The following KAZN variants were observed in gnomAD, a reference collection of about 807,000 sequenced individuals.
KAZN encodes the protein kazrin, periplakin interacting protein.
KAZN carries 40 observed loss-of-function variants against 87.4 expected under a neutral mutation model. The observed-to-expected ratio is 0.46, with a 90% CI of 0.36 to 0.60. The LOEUF is 0.60. Among genes scored for constraint, KAZN ranks in the 20% least tolerant of loss-of-function variants. KAZN has a pLI of 0.00. For synonymous variants in KAZN, 466 were observed against 458.3 expected (o/e 1.02, Z -0.22); for missense variants, 898 against 1,073.9 (o/e 0.84, Z 2.29).
chr1:13,988,654 A>T (rs920411542), intron 1 of KAZN, among the ~76,000 whole-genome samples: 4 of 152,216 alleles, frequency 2.6e-5, no homozygotes, highest in African/African-American at 9.6e-5. Flanking sequence ...AGACTGGGAA[A>T]TACAGTCCAG....
At chr1:14,804,504 G>A (rs1646142081) in intron 1 of KAZN, among the ~76,000 whole-genome samples, 2 of 152,178 alleles carry the variant, frequency 1.3e-5, no homozygotes, top group East Asian at 3.9e-4. Flanking sequence ...TATGAGTTGA[G>A]AGTACAGGGG....
chr1:14,634,149 G>A (rs765977330), intron 1 of KAZN, among the ~76,000 whole-genome samples: 1 of 152,144 alleles, frequency 6.6e-6, no homozygotes, highest in Non-Finnish European at 1.5e-5. Flanking sequence ...TTATGTGTGT[G>A]TATCTATAAG....
intron 2 of KAZN, among the ~76,000 whole-genome samples, chr1:14,590,977 G>A (rs1205997843): frequency 1.3e-5 from 2 of 152,128 alleles, no homozygotes; most frequent in African/African-American, 4.8e-5. Context: ...CACCAAAGGC[G>A]GGATGAGATC....
intron 2 of KAZN, among the ~76,000 whole-genome samples, chr1:14,480,638 G>GTATTA (rs35939354): frequency 0.1 from 14,891 of 142,992 alleles, 974 homozygotes; most frequent in African/African-American, 0.16. Context: ...TATATATTAT[G>GTATTA]TATTATAATA....
chr1:14,072,039 C>T (rs551844994), intron 1 of KAZN, among the ~76,000 whole-genome samples: 8 of 152,264 alleles, frequency 5.3e-5, no homozygotes, highest in Non-Finnish European at 1.0e-4. Context: ...GACTGAAATA[C>T]TATCCCAGCA....
At chr1:14,327,474 C>CT (rs1189075769) in intron 2 of KAZN, among the ~76,000 whole-genome samples, 1 of 152,196 alleles carries the variant, frequency 6.6e-6, no homozygotes, top group African/African-American at 2.4e-5. Context: ...GCCTCAGTCT[C>CT]TCCCTCGTCT....
At chr1:15,097,724 A>G (rs1640862299) in intron 10 of KAZN, among the ~76,000 whole-genome samples, 1 of 152,210 alleles carries the variant, frequency 6.6e-6, no homozygotes, top group Non-Finnish European at 1.5e-5. Flanking sequence ...AGGCTGAGGC[A>G]GGAGAATTTT....
chr1:14,198,023 T>C (rs1051385348), intron 2 of KAZN, among the ~76,000 whole-genome samples: 3 of 13,716 alleles, frequency 2.2e-4, no homozygotes. Context: ...AAAATCATAG[T>C]AACAGAGTAG....
intron 1 of KAZN, among the ~76,000 whole-genome samples, chr1:14,054,469 G>A (rs1642467819): frequency 1.3e-5 from 2 of 152,216 alleles, no homozygotes; most frequent in Middle Eastern, 3.4e-3. Flanking sequence ...ACAGGATGAA[G>A]AAAGTCAAAA....
intron 1 of KAZN, among the ~76,000 whole-genome samples, chr1:14,090,810 C>T (rs1231411639): frequency 6.6e-6 from 1 of 152,122 alleles, no homozygotes; most frequent in Non-Finnish European, 1.5e-5. Context: ...CAGATCAATG[C>T]TCAGCTAAAC....
At chr1:14,617,138 T>A (rs1678312778) in intron 1 of KAZN, among the ~76,000 whole-genome samples, 1 of 152,244 alleles carries the variant, frequency 6.6e-6, no homozygotes, top group African/African-American at 2.4e-5. Flanking sequence ...GCCTTCTTGT[T>A]GGGTCCCATA....
In KAZN at chr1:14,298,216, C is replaced by A. The variant is rs188434046; in HGVS notation, c.249+117624C>A. On this transcript the variant is annotated intron_variant, in intron 2 of 16. Coordinates refer to the KAZN transcript ENST00000636203. ...CTCCAGACTAGGTAGCAGATTCAGA[C>A]CCGGTGTCTTAAAAAAGTAAATTGG... Among the ~76,000 whole-genome samples the A allele has an allele frequency of 1.2e-4, 19 of 152,256 alleles. 1 individual carries two copies. The South Asian group carries it at 1.9e-3, about 15-fold the overall frequency.
chr1:14,540,080 T>G (rs1451643754), intron 2 of KAZN, among the ~76,000 whole-genome samples: 1 of 152,154 alleles, frequency 6.6e-6, no homozygotes, highest in Non-Finnish European at 1.5e-5. Flanking sequence ...TTGCTTTACA[T>G]AATAAAGGAA....
chr1:14,934,818 A>G (rs1004923741), intron 1 of KAZN, among the ~76,000 whole-genome samples: 1 of 152,138 alleles, frequency 6.6e-6, no homozygotes, highest in Non-Finnish European at 1.5e-5. Context: ...CGCCCCCTCC[A>G]TCTCTCCTTT....
intron 1 of KAZN, among the ~76,000 whole-genome samples, chr1:14,031,724 C>G (rs1301334974): frequency 2.0e-5 from 3 of 152,148 alleles, no homozygotes; most frequent in Non-Finnish European, 4.4e-5. Flanking sequence ...CTACTTTTAT[C>G]TCATGAATTG....
At chr1:14,158,194 C>T (rs1328422012) in intron 1 of KAZN, among the ~76,000 whole-genome samples, 1 of 152,200 alleles carries the variant, frequency 6.6e-6, no homozygotes, top group Non-Finnish European at 1.5e-5. Flanking sequence ...AAACTTTCTA[C>T]TCCTATCTCT....
chr1:14,371,777 A>G (rs1343601895), intron 2 of KAZN, among the ~76,000 whole-genome samples: 1 of 152,326 alleles, frequency 6.6e-6, no homozygotes, highest in East Asian at 1.9e-4. Flanking sequence ...CCCTCCAAAG[A>G]AACCACAATC....
intron 2 of KAZN, among the ~76,000 whole-genome samples, chr1:14,997,201 T>TTTTA (rs1330817203): frequency 7.3e-6 from 1 of 137,330 alleles, no homozygotes; most frequent in Non-Finnish European, 1.5e-5. Flanking sequence ...TCTTTCTTTC[T>TTTTA]TTCATTTATT....
chr1:13,948,568 C>A (rs1570361084), intron 1 of KAZN, among the ~76,000 whole-genome samples: 1 of 152,146 alleles, frequency 6.6e-6, no homozygotes, highest in Non-Finnish European at 1.5e-5. Flanking sequence ...CGGACTCATA[C>A]ACATCTGGTG....
Sources: gnomAD v4.1 joint callset for allele counts (sites outside exome capture counted in the v4.1 genomes callset) on GRCh38, gnomAD v4.1.1 for gene constraint, MANE v1.5 for transcripts, NCBI Gene and HGNC (gene_info 2026-07-23, HGNC 2026-07-21) for gene names.